LMAN1L: variants seen among roughly 807,000 people sequenced by gnomAD.
The protein encoded by LMAN1L is lectin, mannose binding 1 like.
In LMAN1L, 60 loss-of-function variants were observed where a neutral mutation model predicts 58.3. The ratio of observed to expected loss-of-function variants is 1.03; its 90% confidence interval spans 0.84 to 1.27. The LOEUF (loss-of-function observed/expected upper bound fraction) is 1.27, where lower values mean the gene tolerates loss of function less well. LMAN1L is among the 50% of genes most tolerant of loss of function. The pLI is 0.00. For missense variants in LMAN1L, 629 were observed against 674.0 expected, an observed-to-expected ratio of 0.93 and a Z score of 0.74; for synonymous variants, 280 against 271.6, an observed-to-expected ratio of 1.03 and a Z score of -0.31.
At chr15:74,818,013 A>AG (rs1450503019) in intron 4 of LMAN1L, among the ~76,000 whole-genome samples, 4 of 88,916 alleles carry the variant, frequency 4.5e-5, no homozygotes, top group Admixed American at 9.7e-5. Context: ...ACTCCGTCTC[A>AG]GAAAAAAAAA....
intron 4 of LMAN1L, among the ~76,000 whole-genome samples, 168 bp from the exon 5 acceptor site, chr15:74,818,550 C>T (rs1384563269): frequency 5.3e-5 from 8 of 152,102 alleles, no homozygotes; most frequent in Admixed American, 1.3e-4. Flanking sequence ...AAAAATTAGC[C>T]GGGCATGGTG....
chr15:74,814,378 G>GTTTTTTTTTTTTT (rs569247875), intron 1 of LMAN1L, among the ~76,000 whole-genome samples: 1 of 110,536 alleles, frequency 9.0e-6, no homozygotes, highest in Non-Finnish European at 1.8e-5. Flanking sequence ...TTTTGTTTTT[G>GTTTTTTTTTTTTT]TTTTTTTTTT....
chr15:74,813,834 T>G (rs563907116), intron 1 of LMAN1L, among the ~76,000 whole-genome samples: 1 of 152,160 alleles, frequency 6.6e-6, no homozygotes, highest in Non-Finnish European at 1.5e-5. Context: ...GTCTATAAAA[T>G]GTGAGTTCTT....
At chr15:74,813,211 C>T (rs928692366) in intron 1 of LMAN1L, 182 bp downstream of exon 1, 5 of 673,478 alleles carry the variant, frequency 7.4e-6, no homozygotes, top group East Asian at 2.8e-5. Flanking sequence ...CGCCTCAACA[C>T]CCCCCACCCC....
chr15:74,815,744 G>A (rs1366574829), intron 1 of LMAN1L, among the ~76,000 whole-genome samples: 4 of 152,178 alleles, frequency 2.6e-5, no homozygotes, highest in African/African-American at 9.7e-5. Context: ...CAAGGCCTCA[G>A]TTTCGTCATC....
rs558697556 is a variant in LMAN1L at position 74,821,312 on chromosome 15, G to A, written c.1059+86G>A. On this transcript the variant is annotated intron_variant, in intron 9 of 13. Coordinates refer to ENST00000309664, the MANE Select transcript of LMAN1L (RefSeq NM_021819.3). Reference sequence around the variant, plus strand: ...GTAGTCAGCAACTAGTCTCCCCTAAGGCCTGGAGGGAAAGGAAGGCAGGGA... The same window carrying A: ...GTAGTCAGCAACTAGTCTCCCCTAAAGCCTGGAGGGAAAGGAAGGCAGGGA... 32 of 1,425,570 alleles carry A rather than the reference G, an allele frequency of 2.2e-5. No individual in the cohort carries two copies. The South Asian group carries it at 4.1e-4, about 18-fold the overall frequency. The allele number at this position is 1,425,570 out of a possible 1,614,324, so 88.3% of individuals were successfully genotyped here. A position where few individuals can be genotyped will look rare whatever the true frequency, so the allele number is the denominator to read the frequency against.
Position 74,825,548 on chromosome 15 carries a change from C to A in LMAN1L, c.1524C>A (p.Thr508=). The change falls in exon 14 of 14, where the codon ACC becomes ACA. Residue 508 remains threonine (T), a synonymous_variant. Coordinates refer to ENST00000309664, the MANE Select transcript of LMAN1L (RefSeq NM_021819.3). ...GSLPLGPAPH[T]PRALGILRRQ... ...TTCCTCTGGGTCCTGCACCACACAC[C>A]CCCAGGGCCCTGGGGATTCTGAGGA... is the stretch of plus-strand genomic sequence containing the variant. The A allele has an allele frequency of 6.2e-7, 1 of 1,613,568 alleles. No homozygotes were observed. Among genetic ancestry groups the A allele is most frequent in the Non-Finnish European group, 8.5e-7 (1 of 1,179,692 alleles).
intron 11 of LMAN1L, 126 bp from the exon 12 acceptor site, chr15:74,823,433 G>A: frequency 9.8e-7 from 1 of 1,019,350 alleles, no homozygotes; most frequent in Non-Finnish European, 1.4e-6. Flanking sequence ...CCCAAGAAGG[G>A]GCCCCATGGA....
At position 74,816,374 on chromosome 15, in the gene LMAN1L, G is replaced by A. The variant is rs372903974; in HGVS notation, c.331-53G>A. The A allele has an allele frequency of 1.2e-3, 1,930 of 1,598,094 alleles. 16 individuals carry two copies. The highest frequency in any genetic ancestry group is 7.5e-3 in the South Asian group (676 of 89,994). On this transcript the variant is annotated intron_variant, in intron 2 of 13. Transcript: ENST00000309664. ...GTCAGGGAGGCGGGTGATGAGCCCCGGGGTCCCAGTATCCCACACGGTTCC... is the reference window on the plus strand; with the variant it reads ...GTCAGGGAGGCGGGTGATGAGCCCCAGGGTCCCAGTATCCCACACGGTTCC...
chr15:74,820,433 A>C (rs2063911126), intron 7 of LMAN1L: 1 of 719,658 alleles, frequency 1.4e-6, no homozygotes, highest in Non-Finnish European at 2.4e-6. Context: ...GGAGCCTCGG[A>C]CCAGCACATA....
intron 1 of LMAN1L, chr15:74,813,420 C>T (rs1188624460): frequency 3.3e-5 from 15 of 460,442 alleles, no homozygotes; most frequent in Admixed American, 1.6e-4. Flanking sequence ...TCCATCCCAG[C>T]GGGCCTGTGG....
intron 10 of LMAN1L, 140 bp from the exon 11 acceptor site, chr15:74,822,502 C>T (rs1485108068): frequency 3.1e-6 from 2 of 648,152 alleles, no homozygotes; most frequent in African/African-American, 3.6e-5. Flanking sequence ...GTCAGAGAAA[C>T]ACAGTGTGTC....
At chr15:74,815,537 G>A (rs896438158) in intron 1 of LMAN1L, among the ~76,000 whole-genome samples, 3 of 152,126 alleles carry the variant, frequency 2.0e-5, no homozygotes, top group African/African-American at 4.8e-5. Context: ...TTCTTTCATC[G>A]CAGTCCTGTG....
At chr15:74,817,475 G>A (rs897461914) in intron 4 of LMAN1L, among the ~76,000 whole-genome samples, 1 of 152,166 alleles carries the variant, frequency 6.6e-6, no homozygotes, top group Non-Finnish European at 1.5e-5. Flanking sequence ...GGCGGAAGGC[G>A]GCACTGTCAG....
chr15:74,824,006 TGGTAGTCAGC>T (rs2063929746), intron 12 of LMAN1L: 1 of 498,040 alleles, frequency 2.0e-6, no homozygotes, highest in African/African-American at 1.9e-5. Context: ...CTGAGTCCAG[TGGTAGTCAGC>T]GCTTCCCCAT....
chr15:74,818,388 T>TG (rs1425892005), intron 4 of LMAN1L, among the ~76,000 whole-genome samples: 1 of 152,148 alleles, frequency 6.6e-6, no homozygotes, highest in Non-Finnish European at 1.5e-5. Flanking sequence ...CTGTATATCC[T>TG]GGCTGGATTC....
rs1346168929 is a variant in LMAN1L at position 74,821,151 on chromosome 15, G to A, written c.984G>A (p.Lys328=). The change falls in exon 9 of 14, where the codon AAG becomes AAA. Residue 328 remains lysine (K), a synonymous_variant. Transcript: ENST00000309664. The stretch of plus-strand genomic sequence containing the variant: ...TGCAGGCTCTGCGGGGTCTCTCCAA[G>A]CAGCTGGCCCAGGCTGAGAGACAAT... The part of the protein sequence containing the change: ...RILQALRGLS[K]QLAQAERQWK... The A allele has an allele frequency of 1.1e-5, 17 of 1,555,718 alleles. No homozygotes were observed. Among genetic ancestry groups the A allele is most frequent in the African/African-American group, 1.4e-5 (1 of 73,558 alleles).
chr15:74,815,553 G>T (rs1415404948), intron 1 of LMAN1L, among the ~76,000 whole-genome samples: 1 of 152,220 alleles, frequency 6.6e-6, no homozygotes, highest in Non-Finnish European at 1.5e-5. Context: ...CTGTGGGCCG[G>T]TTCTCACCTT....
intron 1 of LMAN1L, 59 bp from the exon 2 acceptor site, chr15:74,816,098 G>C: frequency 4.6e-6 from 7 of 1,509,772 alleles, no homozygotes; most frequent in Non-Finnish European, 6.2e-6. Context: ...CCAAGTGAGA[G>C]AGTGAAGGGG....
Sources: allele counts gnomAD v4.1 joint callset (sites outside exome capture counted in the v4.1 genomes callset), GRCh38; gene constraint gnomAD v4.1.1; transcripts MANE v1.5; gene names NCBI Gene and HGNC (gene_info 2026-07-23, HGNC 2026-07-21).